Variants in TBCB observed in about 807,000 individuals in gnomAD.
TBCB encodes the protein tubulin folding cofactor B.
Under a neutral mutation model 29.2 loss-of-function variants are expected in TBCB, and 18 were observed. That is an observed-to-expected ratio of 0.62 (90% CI 0.43 to 0.91). The LOEUF (loss-of-function observed/expected upper bound fraction) is 0.91, where lower values mean the gene tolerates loss of function less well. TBCB is among the 40% of genes least tolerant of loss of function. The pLI is 0.00. For synonymous variants in TBCB, 172 were observed against 137.8 expected (o/e 1.25, Z -1.74); for missense variants, 336 against 337.6 (o/e 1.00, Z 0.04).
intron 4 of TBCB, among the ~76,000 whole-genome samples, chr19:36,124,765 G>A (rs944384635): frequency 3.9e-5 from 6 of 152,094 alleles, no homozygotes; most frequent in South Asian, 2.1e-4. Flanking sequence ...GGATGGTCTC[G>A]ATCTCCTGAC....
chr19:36,118,763 G>C (rs1191408842), intron 2 of TBCB: 1 of 152,142 alleles, frequency 6.6e-6, no homozygotes, highest in African/African-American at 2.4e-5. Context: ...AACACTCCAA[G>C]GTGGGAGGGA....
intron 2 of TBCB, chr19:36,117,750 G>A (rs1211723859): frequency 4.0e-5 from 6 of 151,852 alleles, no homozygotes; most frequent in Non-Finnish European, 8.8e-5. Context: ...TTAGCTTCAG[G>A]GTGGAGTTTA....
rs1476175285 is a variant in TBCB at position 36,115,544 on chromosome 19, C to T, written c.-17C>T. ...GGCGGCTGGACCGCGCTGCAGGCAT[C>T]CGCAGGGCGCGGCAAGATGGAGGTG... On this transcript the variant is annotated 5_prime_UTR_variant, in exon 1 of 6. Coordinates refer to ENST00000221855, the MANE Select transcript of TBCB (RefSeq NM_001281.3). 2.5e-6 allele frequency: 4 copies of T among 1,585,840 alleles called. No individual in the cohort carries two copies. Among genetic ancestry groups the T allele is most frequent in the South Asian group, 1.1e-5 (1 of 87,540 alleles).
chr19:36,120,629 G>A, intron 2 of TBCB, 81 bp from the exon 3 acceptor site: 1 of 1,191,880 alleles, frequency 8.4e-7, no homozygotes, highest in Non-Finnish European at 1.2e-6. Context: ...TTCCCAGATG[G>A]AGACACTGAA....
At chr19:36,117,615 G>C (rs143966459) in intron 2 of TBCB, among the ~76,000 whole-genome samples, 2,837 of 152,146 alleles carry the variant, frequency 0.019, 95 homozygotes, top group African/African-American at 0.059. Context: ...GCCTCGCAAA[G>C]TGCTGGGATT....
intron 4 of TBCB, chr19:36,121,994 T>G: frequency 7.6e-6 from 4 of 527,420 alleles, no homozygotes; most frequent in Non-Finnish European, 1.3e-5. Context: ...CTTCGAAGCG[T>G]GGGGCAGTGT....
At chr19:36,116,216 C>A in intron 2 of TBCB, 32 bp downstream of exon 2, 1 of 1,606,402 alleles carries the variant, frequency 6.2e-7, no homozygotes, top group South Asian at 1.1e-5. Flanking sequence ...CACTCCCCCA[C>A]CCCACCTTTC....
rs908215459 is a variant in TBCB at position 36,119,467 on chromosome 19, T to A, written c.259-1243T>A. ...CTCCATCCTTCCCCCAACCTCGCCA[T>A]CCCGGCAGCTTCCTCCCTGGCCTCC... On this transcript the variant is annotated intron_variant, in intron 2 of 5. Coordinates refer to ENST00000221855, the MANE Select transcript of TBCB (RefSeq NM_001281.3). Among the ~76,000 whole-genome samples, 5 of 152,120 alleles carry A rather than the reference T, an allele frequency of 3.3e-5. No homozygotes were observed. In the South Asian group the frequency reaches 1.0e-3, roughly 32 times the overall value.
chr19:36,124,334 C>A (rs1397277533), intron 4 of TBCB, among the ~76,000 whole-genome samples: 2 of 152,092 alleles, frequency 1.3e-5, no homozygotes, highest in East Asian at 3.9e-4. Context: ...AATTCTCATG[C>A]CTCAGCCTCC....
chr19:36,120,895 A>C, intron 3 of TBCB, 89 bp downstream of exon 3: 2 of 1,243,156 alleles, frequency 1.6e-6, no homozygotes, highest in Non-Finnish European at 2.3e-6. Flanking sequence ...GGGCCCCTGC[A>C]GGGAGGCCAG....
At chr19:36,119,319 C>G (rs1302402051) in intron 2 of TBCB, among the ~76,000 whole-genome samples, 1 of 152,188 alleles carries the variant, frequency 6.6e-6, no homozygotes, top group Admixed American at 6.5e-5. Flanking sequence ...CCATGTTAGC[C>G]CAGTGGCTTA....
chr19:36,115,088 A>G (rs562983821), upstream of TBCB: 3 of 596,632 alleles, frequency 5.0e-6, no homozygotes, highest in South Asian at 6.1e-5. Flanking sequence ...TCGCCGCCTC[A>G]GTTTACAGAA....
Position 36,115,644 on chromosome 19 carries a change from C to G in TBCB, c.84C>G (p.Tyr28Ter), listed in dbSNP as rs1238231799. 1 of 1,606,660 alleles carries G rather than the reference C, an allele frequency of 6.2e-7. No homozygotes were observed. The change falls in exon 1 of 6, where the codon TAC becomes TAG. Residue 28 changes from tyrosine to a stop codon, truncating the protein, a stop_gained. Transcript: ENST00000221855. LOFTEE classifies it high-confidence loss of function. ...SLNTFRSEKR[Y>*]SRSLTIAEFK... ...ACACCTTCCGCTCCGAGAAGCGATA[C>G]AGCCGCAGCCTCACCATCGCTGAGT... is the stretch of plus-strand genomic sequence containing the variant.
intron 4 of TBCB, 28 bp downstream of exon 4, chr19:36,121,746 G>T: frequency 6.5e-7 from 1 of 1,547,922 alleles, no homozygotes; most frequent in South Asian, 1.2e-5. Context: ...CCGGTCCCGG[G>T]CTCCAGGGCT....
intron 1 of TBCB, 165 bp from the exon 2 acceptor site, chr19:36,115,876 A>T: frequency 8.4e-7 from 1 of 1,189,234 alleles, no homozygotes; most frequent in Non-Finnish European, 1.2e-6. Flanking sequence ...CCAGCGAAAA[A>T]TCCGACGGTC....
At chr19:36,116,314 T>C in intron 2 of TBCB, 130 bp downstream of exon 2, 1 of 1,250,470 alleles carries the variant, frequency 8.0e-7, no homozygotes, top group Non-Finnish European at 1.1e-6. Flanking sequence ...CAGTGCAGCC[T>C]GACGAGAGAC....
rs1278636491 is a variant in TBCB at position 36,125,460 on chromosome 19, A to G, written c.557A>G (p.Asp186Gly). Residue 186 changes from aspartate to glycine, a missense_variant, in exon 5 of 6, where the codon GAT (aspartate) becomes GGT (glycine). By Grantham distance (94) the Asp-to-Gly change is moderately conservative (BLOSUM62 -1). Transcript: ENST00000221855. ...RGTVMYVGLT[D>G]FKPGYWIGVR... is the part of the protein sequence containing the mutation. Reference sequence around the variant, plus strand: ...TCTCTTCTGTTGGCAGGTCTCACAGATTTCAAGCCTGGCTACTGGATTGGT... The same window carrying G: ...TCTCTTCTGTTGGCAGGTCTCACAGGTTTCAAGCCTGGCTACTGGATTGGT... 1 of 1,614,234 alleles carries G rather than the reference A, an allele frequency of 6.2e-7. No homozygotes were observed. Among genetic ancestry groups the G allele is most frequent in the Non-Finnish European group, 8.5e-7 (1 of 1,180,042 alleles).
intron 2 of TBCB, 139 bp downstream of exon 2, chr19:36,116,323 A>T: frequency 1.7e-6 from 2 of 1,165,926 alleles, no homozygotes; most frequent in Non-Finnish European, 2.4e-6. Context: ...CTGACGAGAG[A>T]CAGACCCATC....
intron 2 of TBCB, among the ~76,000 whole-genome samples, chr19:36,119,293 G>C (rs1162980191): frequency 1.3e-5 from 2 of 152,184 alleles, no homozygotes; most frequent in African/African-American, 4.8e-5. Context: ...CGGAGGTAAA[G>C]GCCATTCCTA....
Sources: gnomAD v4.1 joint callset for allele counts (sites outside exome capture counted in the v4.1 genomes callset) on GRCh38, gnomAD v4.1.1 for gene constraint, MANE v1.5 for transcripts, NCBI Gene and HGNC (gene_info 2026-07-23, HGNC 2026-07-21) for gene names.